The following XPO7 variants were observed in gnomAD, a reference collection of about 807,000 sequenced individuals.
The protein encoded by XPO7 is exportin-7.
Under a neutral mutation model 144.3 loss-of-function variants are expected in XPO7, and 21 were observed. That is an observed-to-expected ratio of 0.15 (90% CI 0.10 to 0.21). XPO7 has a LOEUF of 0.21. Ranked by LOEUF, XPO7 falls within the 10% of genes least tolerant of loss-of-function variation. XPO7 has a pLI of 1.00. For missense variants in XPO7, 808 were observed against 1,325.8 expected (o/e 0.61, Z 6.06); for synonymous variants, 580 against 499.6 (o/e 1.16, Z -2.15).
At chr8:21,936,956 T>C (rs2117260187) in intron 1 of XPO7, among the ~76,000 whole-genome samples, 1 of 152,296 alleles carries the variant, frequency 6.6e-6, no homozygotes, top group Non-Finnish European at 1.5e-5. Flanking sequence ...CTGGCCTGAG[T>C]GCCTTGGTGT....
intron 1 of XPO7, 26 bp from the exon 2 acceptor site, chr8:21,966,831 T>G (rs765830130): frequency 1.2e-6 from 2 of 1,603,330 alleles, no homozygotes; most frequent in East Asian, 4.5e-5. Context: ...GCTGAACTGT[T>G]TTCTTTCCTG....
At chr8:21,920,801 T>C (rs1810255867) in intron 1 of XPO7, among the ~76,000 whole-genome samples, 2 of 151,978 alleles carry the variant, frequency 1.3e-5, no homozygotes, top group African/African-American at 4.8e-5. Context: ...AGTGCACAGG[T>C]TTTGTGTTGT....
At chr8:21,966,361 G>A in intron 1 of XPO7, 1 of 776,860 alleles carries the variant, frequency 1.3e-6, no homozygotes, top group East Asian at 2.4e-5. Flanking sequence ...TCTCGTACAG[G>A]TGACCATCTT....
chr8:21,921,483 A>G (rs1418655491), intron 1 of XPO7: 2 of 152,158 alleles, frequency 1.3e-5, no homozygotes, highest in African/African-American at 2.4e-5. Flanking sequence ...ACTTTTATGA[A>G]TATACATCGT....
chr8:21,953,160 A>G (rs562373816), intron 1 of XPO7, among the ~76,000 whole-genome samples: 2 of 152,222 alleles, frequency 1.3e-5, no homozygotes, highest in South Asian at 2.1e-4. Flanking sequence ...GACAATTTAC[A>G]GTGACATGTA....
At chr8:21,963,166 G>C (rs977053358) in intron 1 of XPO7, among the ~76,000 whole-genome samples, 1 of 152,138 alleles carries the variant, frequency 6.6e-6, no homozygotes, top group Non-Finnish European at 1.5e-5. Context: ...TCTGTGTTGT[G>C]CCTATATTTT....
chr8:21,949,275 C>T (rs970055475), intron 1 of XPO7, among the ~76,000 whole-genome samples: 2 of 152,144 alleles, frequency 1.3e-5, no homozygotes, highest in African/African-American at 4.8e-5. Context: ...TAGGGTAGCA[C>T]GAGTCATGGG....
At chr8:21,946,629 T>A (rs945246729) in intron 1 of XPO7, among the ~76,000 whole-genome samples, 31 of 146,244 alleles carry the variant, frequency 2.1e-4, no homozygotes, top group African/African-American at 7.0e-4. Context: ...GTTCCACATA[T>A]GCAAAACAGG....
intron 1 of XPO7, among the ~76,000 whole-genome samples, chr8:21,965,494 C>T (rs1023597476): frequency 1.3e-5 from 2 of 152,150 alleles, no homozygotes; most frequent in Non-Finnish European, 2.9e-5. Flanking sequence ...CCCTGGAAGT[C>T]AGAAACAAGT....
chr8:21,927,075 C>G (rs1309371654), intron 1 of XPO7, among the ~76,000 whole-genome samples: 2 of 152,046 alleles, frequency 1.3e-5, no homozygotes, highest in African/African-American at 4.8e-5. Flanking sequence ...TGAATTGAAC[C>G]TGAGCAACAG....
rs771899309 is a variant in XPO7, at chr8:21,985,704, C to T, written c.1577+13C>T. 1.1e-5 allele frequency: 18 copies of T among 1,610,360 alleles called. No individual in the cohort carries two copies. Among genetic ancestry groups the T allele is most frequent in the Non-Finnish European group, 1.5e-5 (18 of 1,177,762 alleles). The stretch of plus-strand genomic sequence containing the variant: ...AGCTTGTCTGTCGGTAAGTGCTCCC[C>T]ACAGAAGCTCTCCACTCTGCCTTGC... On this transcript the variant is annotated intron_variant, in intron 13 of 27. Coordinates refer to ENST00000252512, the MANE Select transcript of XPO7 (RefSeq NM_015024.5).
At chr8:21,964,845 A>G (rs1262905803) in intron 1 of XPO7, among the ~76,000 whole-genome samples, 2 of 152,236 alleles carry the variant, frequency 1.3e-5, no homozygotes, top group Non-Finnish European at 2.9e-5. Context: ...ATGCTTAGAC[A>G]TTGTCATGTG....
At chr8:21,949,643 C>T (rs181523294) in intron 1 of XPO7, among the ~76,000 whole-genome samples, 1 of 152,162 alleles carries the variant, frequency 6.6e-6, no homozygotes, top group African/African-American at 2.4e-5. Context: ...TTTCTTTCCC[C>T]CATATAACAA....
At chr8:21,921,827 G>A (rs1157920701) in intron 1 of XPO7, among the ~76,000 whole-genome samples, 1 of 152,192 alleles carries the variant, frequency 6.6e-6, no homozygotes, top group African/African-American at 2.4e-5. Context: ...GTAAGTTTGT[G>A]AGTGAATTTT....
At chr8:21,925,348 T>G (rs941392569) in intron 1 of XPO7, among the ~76,000 whole-genome samples, 1 of 152,224 alleles carries the variant, frequency 6.6e-6, no homozygotes, top group Non-Finnish European at 1.5e-5. Flanking sequence ...GGGAAGGATG[T>G]ATTTAAGAGA....
Position 21,953,844 on chromosome 8 carries a change from T to A in XPO7, c.19-13013T>A, listed in dbSNP as rs192346964. Reference sequence around the variant, plus strand: ...TCTGGTCAGATCTTTTTGACTTTTTTAATTGGTTTGTTTTCTTATTGTTGA... The same window carrying A: ...TCTGGTCAGATCTTTTTGACTTTTTAAATTGGTTTGTTTTCTTATTGTTGA... On this transcript the variant is annotated intron_variant, in intron 1 of 27. Coordinates refer to ENST00000252512, the MANE Select transcript of XPO7 (RefSeq NM_015024.5). Among the ~76,000 whole-genome samples, 488 of 152,342 alleles carry A rather than the reference T, an allele frequency of 3.2e-3. 8 individuals carry two copies. Among genetic ancestry groups the A allele is most frequent in the African/African-American group, 0.01 (419 of 41,582 alleles).
At chr8:21,992,397 C>T (rs971452315) in intron 19 of XPO7, among the ~76,000 whole-genome samples, 1 of 152,132 alleles carries the variant, frequency 6.6e-6, no homozygotes, top group Non-Finnish European at 1.5e-5. Context: ...CAAGTTTCTA[C>T]ATTGTTGTGA....
In XPO7 at chr8:21,980,207, A is replaced by C; in HGVS notation, c.957+4A>C. The stretch of plus-strand genomic sequence containing the variant: ...ACGAATACTGGAAAACCCACAGGTA[A>C]GTTTATCTGAGAATTTACATATGTA... On this transcript the variant is annotated splice_donor_region_variant and intron_variant, in intron 9 of 27. Transcript: ENST00000252512. 1 of 1,577,396 alleles carries C rather than the reference A, an allele frequency of 6.3e-7. No homozygotes were observed. Among genetic ancestry groups the C allele is most frequent in the South Asian group, 1.2e-5 (1 of 86,216 alleles).
rs1188662101 is a variant in XPO7 at position 21,995,511 on chromosome 8, A to G, written c.2257A>G (p.Ile753Val). 6.2e-6 allele frequency: 10 copies of G among 1,608,926 alleles called. No individual in the cohort carries two copies. The highest frequency in any genetic ancestry group is 1.3e-5 in the African/African-American group (1 of 74,878). The part of the protein sequence containing the change: ...FEWIYPSYMP[I>V]LQRAIELWYH... ...TTACAGATATCCATCCTATATGCCA[A>G]TTCTCCAACGGGCAATTGAGCTCTG... The change falls in exon 21 of 28, where the codon ATT (isoleucine) becomes GTT (valine). Residue 753 changes from isoleucine (I) to valine (V), a missense_variant. Transcript: ENST00000252512.
Sources: allele counts gnomAD v4.1 joint callset (sites outside exome capture counted in the v4.1 genomes callset), GRCh38; gene constraint gnomAD v4.1.1; transcripts MANE v1.5; gene names NCBI Gene and HGNC (gene_info 2026-07-23, HGNC 2026-07-21).